The following ZNF423 variants were observed in gnomAD, a reference collection of about 807,000 sequenced individuals.
ZNF423 encodes the protein zinc finger protein 423.
Under a neutral mutation model 95.8 loss-of-function variants are expected in ZNF423, and 12 were observed. The observed-to-expected ratio is 0.13, with a 90% CI of 0.08 to 0.20. The LOEUF is 0.20. Ranked by LOEUF, ZNF423 falls within the 10% of genes least tolerant of loss-of-function variation. The pLI, the probability that ZNF423 is intolerant of heterozygous loss-of-function variation, is 1.00. For missense variants in ZNF423, 1,316 were observed against 1,737.1 expected (o/e 0.76, Z 4.31); for synonymous variants, 749 against 711.9 (o/e 1.05, Z -0.83).
chr16:49,609,549 G>A (rs764856374), intron 5 of ZNF423, among the ~76,000 whole-genome samples: 1 of 151,966 alleles, frequency 6.6e-6, no homozygotes, highest in South Asian at 2.1e-4. Flanking sequence ...GATACAAGGA[G>A]GCACTAAATG....
chr16:49,854,057 C>G (rs979880809), intron 1 of ZNF423: 1 of 985,254 alleles, frequency 1.0e-6, no homozygotes, highest in Non-Finnish European at 1.2e-6. Context: ...GCCGTACAGC[C>G]CTTCCATCAG....
intron 1 of ZNF423, among the ~76,000 whole-genome samples, chr16:49,808,647 T>A (rs1395224824): frequency 1.3e-5 from 2 of 151,800 alleles, no homozygotes; most frequent in Non-Finnish European, 2.9e-5. Context: ...AGGGCAGTGC[T>A]GGGCAGAGGA....
intron 5 of ZNF423, among the ~76,000 whole-genome samples, chr16:49,557,723 A>G (rs137893269): frequency 6.6e-6 from 1 of 152,302 alleles, no homozygotes; most frequent in East Asian, 1.9e-4. Flanking sequence ...GCAGAAACTC[A>G]TCTCCCATGA....
At chr16:49,680,894 G>A (rs1015100198) in intron 3 of ZNF423, among the ~76,000 whole-genome samples, 1 of 152,218 alleles carries the variant, frequency 6.6e-6, no homozygotes, top group African/African-American at 2.4e-5. Context: ...TGGCCACAGA[G>A]GTTTCTGGCT....
intron 1 of ZNF423, among the ~76,000 whole-genome samples, chr16:49,850,652 C>T (rs1435421539): frequency 6.6e-6 from 1 of 152,192 alleles, no homozygotes; most frequent in East Asian, 1.9e-4. Flanking sequence ...AAAGAGTGAA[C>T]TAAACGCACC....
intron 2 of ZNF423, among the ~76,000 whole-genome samples, chr16:49,788,486 T>C (rs1032681931): frequency 1.3e-5 from 2 of 152,202 alleles, no homozygotes; most frequent in Non-Finnish European, 2.9e-5. Flanking sequence ...ATGAAAACAT[T>C]AAATGTTTAT....
intron 1 of ZNF423, 102 bp from the exon 2 acceptor site, chr16:49,789,648 T>C: frequency 8.8e-7 from 1 of 1,135,106 alleles, no homozygotes. Flanking sequence ...GGGGTCCTTA[T>C]TATAATACCC....
intron 5 of ZNF423, among the ~76,000 whole-genome samples, chr16:49,552,949 C>T (rs1969696400): frequency 6.6e-6 from 1 of 152,126 alleles, no homozygotes; most frequent in African/African-American, 2.4e-5. Flanking sequence ...ATTTATGGTG[C>T]AAGCAAGAAC....
chr16:49,809,690 C>A (rs1221763343), intron 1 of ZNF423, among the ~76,000 whole-genome samples: 1 of 152,188 alleles, frequency 6.6e-6, no homozygotes, highest in Non-Finnish European at 1.5e-5. Context: ...GAGGTGGGGA[C>A]CCCCGGGTGG....
chr16:49,740,693 AAGG>A (rs1387286456), intron 2 of ZNF423, among the ~76,000 whole-genome samples: 1 of 152,208 alleles, frequency 6.6e-6, no homozygotes, highest in African/African-American at 2.4e-5. Context: ...ATTTCAAGCC[AAGG>A]TCCGTCAGAG....
Position 49,623,074 on chromosome 16 carries a change from C to T in ZNF423, c.3601+3096G>A, listed in dbSNP as rs562255252. 1.1e-4 allele frequency among the ~76,000 whole-genome samples: 17 copies of T among 152,128 alleles called. No homozygotes were observed. The South Asian group carries it at 3.1e-3, about 28-fold the overall frequency. Reference sequence around the variant, plus strand: ...GGCAGGTAGGGAGTGCAGGTTAGAGCGAGAGGGACTGCCCAGCCACCGGAG... The same window carrying T: ...GGCAGGTAGGGAGTGCAGGTTAGAGTGAGAGGGACTGCCCAGCCACCGGAG... On this transcript the variant is annotated intron_variant, in intron 5 of 7. Coordinates refer to ENST00000563137, the MANE Select transcript of ZNF423 (RefSeq NM_001379286.1).
chr16:49,608,200 G>A (rs1224634750), intron 5 of ZNF423, among the ~76,000 whole-genome samples: 1 of 152,148 alleles, frequency 6.6e-6, no homozygotes, highest in East Asian at 1.9e-4. Flanking sequence ...GACCATCGGA[G>A]GGAAGAATAT....
chr16:49,835,895 C>T (rs2035113795), intron 1 of ZNF423, among the ~76,000 whole-genome samples: 1 of 152,172 alleles, frequency 6.6e-6, no homozygotes. Flanking sequence ...CAACTTAAGC[C>T]CCGGGGAAAA....
At chr16:49,784,329 A>G (rs1205672861) in intron 2 of ZNF423, among the ~76,000 whole-genome samples, 1 of 152,016 alleles carries the variant, frequency 6.6e-6, no homozygotes, top group East Asian at 1.9e-4. Flanking sequence ...TTGAGGTAGG[A>G]GTTCAAATCC....
At chr16:49,746,505 T>C (rs1331415785) in intron 2 of ZNF423, among the ~76,000 whole-genome samples, 3 of 152,116 alleles carry the variant, frequency 2.0e-5, no homozygotes, top group Non-Finnish European at 4.4e-5. Flanking sequence ...TGAGACAGAA[T>C]CTTGCTCTGT....
rs533901871 is a variant in ZNF423 at position 49,741,514 on chromosome 16, AAAG to A, written c.101-10546_101-10544del. Among the ~76,000 whole-genome samples the A allele has an allele frequency of 1.9e-3, 288 of 152,110 alleles. 4 individuals are homozygous for A. The highest frequency in any genetic ancestry group is 6.2e-3 in the African/African-American group (259 of 41,500). On this transcript the variant is annotated intron_variant, in intron 2 of 7. Coordinates refer to ENST00000563137, the MANE Select transcript of ZNF423 (RefSeq NM_001379286.1). Reference sequence around the variant, plus strand: ...AGAGTAAGACTCTGTCTCAAAAAAAAAAGAAGAAGAAGGAGGAGGAAATCCACC... The same window carrying A: ...AGAGTAAGACTCTGTCTCAAAAAAAAAAGAAGAAGGAGGAGGAAATCCACC...
At chr16:49,662,992 GTC>G (rs959316590) in intron 3 of ZNF423, among the ~76,000 whole-genome samples, 3 of 152,118 alleles carry the variant, frequency 2.0e-5, no homozygotes, top group African/African-American at 7.2e-5. Flanking sequence ...TCTGACTCTG[GTC>G]TCTCAACCTC....
At chr16:49,846,083 C>G (rs1217824325) in intron 1 of ZNF423, among the ~76,000 whole-genome samples, 1 of 152,074 alleles carries the variant, frequency 6.6e-6, no homozygotes. Context: ...AGGCGGATTA[C>G]CTGAGGTTAG....
At chr16:49,546,441 GTAGGATTTGA>G (rs1969443243) in intron 5 of ZNF423, among the ~76,000 whole-genome samples, 1 of 152,152 alleles carries the variant, frequency 6.6e-6, no homozygotes, top group Non-Finnish European at 1.5e-5. Context: ...AAAGGAGGAG[GTAGGATTTGA>G]TAACTCACAA....
Sources: allele counts gnomAD v4.1 joint callset (sites outside exome capture counted in the v4.1 genomes callset), GRCh38; gene constraint gnomAD v4.1.1; transcripts MANE v1.5; gene names NCBI Gene and HGNC (gene_info 2026-07-23, HGNC 2026-07-21).